CEP89: variants seen among roughly 807,000 people sequenced by gnomAD.
The protein encoded by CEP89 is centrosomal protein of 89 kDa.
Under a neutral mutation model 97.6 loss-of-function variants are expected in CEP89, and 95 were observed. The observed-to-expected ratio is 0.97, with a 90% CI of 0.82 to 1.15. The LOEUF is 1.15. Among genes scored for constraint, CEP89 ranks in the 50% most tolerant of loss-of-function variants. CEP89 has a pLI of 0.00. For missense variants in CEP89, 869 were observed against 947.7 expected (o/e 0.92, Z 1.09); for synonymous variants, 354 against 349.1 (o/e 1.01, Z -0.16).
chr19:32,950,851 A>C (rs1297806738), intron 4 of CEP89, among the ~76,000 whole-genome samples: 2 of 152,174 alleles, frequency 1.3e-5, no homozygotes, highest in Non-Finnish European at 2.9e-5. Flanking sequence ...AATGAGAACA[A>C]ACCCGCCCCT....
chr19:32,933,443 G>A lies in CEP89; in HGVS notation c.886+8C>T, dbSNP rs762231915. ...TTCCTCTAATAAAGGCACTCTGTCT[G>A]TCCCCACCTTCCTGTGACGACGCCT... is the stretch of plus-strand genomic sequence containing the variant. On this transcript the variant is annotated splice_region_variant and intron_variant, in intron 8 of 18. Coordinates refer to ENST00000305768, the MANE Select transcript of CEP89 (RefSeq NM_032816.5). 6.2e-6 allele frequency: 10 copies of A among 1,606,060 alleles called. 1 individual carries two copies. In the East Asian group the frequency reaches 2.2e-4, roughly 36 times the overall value.
rs563066925 is a variant in CEP89 at position 32,905,358 on chromosome 19, C to G, written c.1566-3946G>C. Among the ~76,000 whole-genome samples the G allele has an allele frequency of 7.2e-5, 11 of 152,210 alleles. No homozygotes were observed. The South Asian group carries it at 2.3e-3, about 32-fold the overall frequency. ...GGTTTTGGTATCAAGGTTATACTAA[C>G]CTCATTAGATTAAGGAGCATTAATT... is the stretch of plus-strand genomic sequence containing the variant. On this transcript the variant is annotated intron_variant, in intron 14 of 18. Coordinates refer to ENST00000305768, the MANE Select transcript of CEP89 (RefSeq NM_032816.5).
chr19:32,906,769 A>AAT (rs1408998287), intron 14 of CEP89, among the ~76,000 whole-genome samples: 3 of 149,674 alleles, frequency 2.0e-5, no homozygotes, highest in East Asian at 1.9e-4. Context: ...ACATACATAT[A>AAT]ATATATATAT....
chr19:32,887,451 T>C (rs769380154), intron 17 of CEP89, among the ~76,000 whole-genome samples: 19 of 152,022 alleles, frequency 1.2e-4, no homozygotes, highest in Non-Finnish European at 2.4e-4. Context: ...ACTCTCGACC[T>C]CAAGCGATCC....
rs199545677 is a variant in CEP89, at chr19:32,882,014, C to T, written c.1966-1G>A. 2 of 1,563,142 alleles carry T rather than the reference C, an allele frequency of 1.3e-6. No individual in the cohort carries two copies. Among genetic ancestry groups the T allele is most frequent in the South Asian group, 1.2e-5 (1 of 85,182 alleles). ...TCAGTGCTGCCTGCTTCTTGTAGCC[C>T]TGGTCGGGGGAAGGACTCTGTGAAT... On this transcript the variant is annotated splice_acceptor_variant, in intron 17 of 18. Transcript: ENST00000305768. LOFTEE classifies it high-confidence loss of function.
rs774814142 is a variant in CEP89, at chr19:32,879,296, G to T, written c.2218C>A (p.Leu740Ile). Reference sequence around the variant, plus strand: ...TTGTCCTGCACGCCTGTCCTCGTGAGTGTGTCCTGGAGAAGTTCTCGGATT... The same window carrying T: ...TTGTCCTGCACGCCTGTCCTCGTGATTGTGTCCTGGAGAAGTTCTCGGATT... ...RRIRELLQDT[L>I]TRTGVQDNPR... is the part of the protein sequence containing the mutation. The change falls in exon 19 of 19, where the codon CTC (leucine) becomes ATC (isoleucine). Residue 740 changes from leucine to isoleucine, a missense_variant. Leu to Ile is a conservative substitution (Grantham distance 5, BLOSUM62 2). Coordinates refer to ENST00000305768, the MANE Select transcript of CEP89 (RefSeq NM_032816.5). 3.1e-6 allele frequency: 5 copies of T among 1,614,150 alleles called. No individual in the cohort carries two copies. The highest frequency in any genetic ancestry group is 3.4e-6 in the Non-Finnish European group (4 of 1,180,056).
intron 4 of CEP89, among the ~76,000 whole-genome samples, chr19:32,951,520 TATATATATATATATACAC>T (rs1181567922): frequency 2.2e-4 from 11 of 50,980 alleles, no homozygotes; most frequent in South Asian, 1.7e-3. Flanking sequence ...ATTATATATA[TATATATATATATATACAC>T]ACACACACAC....
At chr19:32,937,879 T>C (rs1970611026) in intron 6 of CEP89, among the ~76,000 whole-genome samples, 1 of 152,176 alleles carries the variant, frequency 6.6e-6, no homozygotes, top group Non-Finnish European at 1.5e-5. Flanking sequence ...TCTTACTCTG[T>C]CACCCAGGCT....
chr19:32,902,643 C>T (rs1209254119), intron 14 of CEP89, among the ~76,000 whole-genome samples: 2 of 152,224 alleles, frequency 1.3e-5, no homozygotes, highest in Non-Finnish European at 2.9e-5. Context: ...CTCCCTCCAC[C>T]TTCTTGTCTG....
At chr19:32,908,386 G>C (rs1969931859) in intron 14 of CEP89, among the ~76,000 whole-genome samples, 1 of 152,200 alleles carries the variant, frequency 6.6e-6, no homozygotes, top group Non-Finnish European at 1.5e-5. Context: ...AACAGCTTTG[G>C]GCTCAGAGTC....
At chr19:32,918,556 C>T (rs558622558) in intron 12 of CEP89, among the ~76,000 whole-genome samples, 2 of 152,250 alleles carry the variant, frequency 1.3e-5, no homozygotes, top group South Asian at 2.1e-4. Context: ...CTTCAGAAAA[C>T]GCTTTCAGAT....
intron 2 of CEP89, among the ~76,000 whole-genome samples, chr19:32,962,287 G>T (rs193021207): frequency 6.6e-6 from 1 of 152,086 alleles, no homozygotes; most frequent in East Asian, 1.9e-4. Flanking sequence ...CTCATCTGCC[G>T]CCATGTAAGA....
chr19:32,947,992 A>T (rs771032540), intron 5 of CEP89, among the ~76,000 whole-genome samples: 2 of 152,082 alleles, frequency 1.3e-5, no homozygotes, highest in Non-Finnish European at 2.9e-5. Flanking sequence ...CTTTTTGTAC[A>T]GACGATGTCT....
At chr19:32,921,386 A>G (rs1354590399) in intron 12 of CEP89, among the ~76,000 whole-genome samples, 1 of 152,138 alleles carries the variant, frequency 6.6e-6, no homozygotes, top group Non-Finnish European at 1.5e-5. Context: ...ACCCTCCTGC[A>G]GCTGGAGGGC....
chr19:32,942,027 C>G (rs180766552), intron 5 of CEP89, among the ~76,000 whole-genome samples: 158 of 152,308 alleles, frequency 1.0e-3, no homozygotes, highest in African/African-American at 3.8e-3. Context: ...CTATGTCCCC[C>G]TTAAATTCTT....
intron 3 of CEP89, among the ~76,000 whole-genome samples, chr19:32,956,489 C>CA (rs1971051831): frequency 6.6e-6 from 1 of 151,768 alleles, no homozygotes; most frequent in Non-Finnish European, 1.5e-5. Context: ...CTCAGCCTCC[C>CA]AAGCAGCTGG....
At chr19:32,939,722 C>A (rs77200449) in intron 6 of CEP89, 135 bp downstream of exon 6, 3 of 485,764 alleles carry the variant, frequency 6.2e-6, no homozygotes, top group Admixed American at 4.0e-5. Context: ...CAGGAAAGAA[C>A]TCTTAAGGGA....
rs567788918 is a variant in CEP89, at chr19:32,952,921, A to G, written c.492+694T>C. Among the ~76,000 whole-genome samples, 95 of 150,868 alleles carry G rather than the reference A, an allele frequency of 6.3e-4. 1 individual carries two copies. Among genetic ancestry groups the G allele is most frequent in the African/African-American group, 2.1e-3 (86 of 41,208 alleles). ...TCTGTCTCAAAAAAAAAAAAAAAAA[A>G]AAAGAAAAGAAAAAGAAAAGAAATG... On this transcript the variant is annotated intron_variant, in intron 4 of 18. Transcript: ENST00000305768.
intron 9 of CEP89, among the ~76,000 whole-genome samples, chr19:32,928,017 G>A (rs1970398849): frequency 6.8e-6 from 1 of 147,082 alleles, no homozygotes; most frequent in Non-Finnish European, 1.5e-5. Flanking sequence ...CCAGGTTCAA[G>A]CAATTCTCAT....
Sources: gnomAD v4.1 joint callset for allele counts (sites outside exome capture counted in the v4.1 genomes callset) on GRCh38, gnomAD v4.1.1 for gene constraint, MANE v1.5 for transcripts, NCBI Gene and HGNC (gene_info 2026-07-23, HGNC 2026-07-21) for gene names.